Variants in RASAL2 observed in about 807,000 individuals in gnomAD.
The protein encoded by RASAL2 is ras GTPase-activating protein nGAP.
RASAL2 carries 58 observed loss-of-function variants against 128.9 expected under a neutral mutation model. The ratio of observed to expected loss-of-function variants is 0.45; its 90% CI spans 0.36 to 0.56. RASAL2 has a LOEUF of 0.56. Ranked by LOEUF, RASAL2 falls within the 20% of genes least tolerant of loss-of-function variation. The probability of loss-of-function intolerance (pLI) is 0.00; values close to 1 mark genes in which losing one functional copy is unlikely to be tolerated. For missense variants in RASAL2, 1,360 were observed against 1,601.6 expected (o/e 0.85, Z 2.57); for synonymous variants, 561 against 580.8 (o/e 0.97, Z 0.49).
chr1:178,279,292 T>C lies in RASAL2; in HGVS notation c.203-4272T>C, dbSNP rs1383703792. Reference sequence around the variant, plus strand: ...TTTTATTCTCTCATCTCTTTTGTGTTATTCATCCACCACAAACAACTAGAA... The same window carrying C: ...TTTTATTCTCTCATCTCTTTTGTGTCATTCATCCACCACAAACAACTAGAA... On this transcript the variant is annotated intron_variant, in intron 1 of 17. Transcript: ENST00000367649. Among the ~76,000 whole-genome samples, 3 of 152,202 alleles carry C rather than the reference T, an allele frequency of 2.0e-5. No homozygotes were observed. The East Asian group carries it at 5.8e-4, about 29-fold the overall frequency.
intron 1 of RASAL2, among the ~76,000 whole-genome samples, chr1:178,177,652 G>A (rs1661939696): frequency 6.6e-6 from 1 of 152,132 alleles, no homozygotes; most frequent in Non-Finnish European, 1.5e-5. Context: ...CCATTTTGAG[G>A]GAATAGCATG....
In RASAL2 at chr1:178,395,043, TAAAC is replaced by T. The variant is rs558623874; in HGVS notation, c.564+4841_564+4844del. ...ATCCTATGTAAGTGTTTTTCCAAGT[TAAAC>T]AAAGAGATAGAAAGCTTCACGTCCA... On this transcript the variant is annotated intron_variant, in intron 4 of 17. Transcript: ENST00000367649. Among the ~76,000 whole-genome samples the T allele has an allele frequency of 8.7e-4, 132 of 152,282 alleles. 1 individual carries two copies. The highest frequency in any genetic ancestry group is 2.3e-3 in the Admixed American group (35 of 15,298).
chr1:178,435,305 G>T (rs1164803459), intron 5 of RASAL2, among the ~76,000 whole-genome samples: 2 of 152,152 alleles, frequency 1.3e-5, no homozygotes, highest in Non-Finnish European at 2.9e-5. Flanking sequence ...GTGGCATTCT[G>T]AAAAATTGGC....
intron 1 of RASAL2, among the ~76,000 whole-genome samples, chr1:178,102,470 C>T (rs1269555575): frequency 1.3e-5 from 2 of 152,274 alleles, no homozygotes; most frequent in East Asian, 3.9e-4. Context: ...GATCCTTCCA[C>T]CTCAGCCTCC....
chr1:178,302,442 A>G (rs1208442090), intron 3 of RASAL2, among the ~76,000 whole-genome samples: 1 of 152,238 alleles, frequency 6.6e-6, no homozygotes, highest in Non-Finnish European at 1.5e-5. Flanking sequence ...AAAAGATCTA[A>G]TAACAGATGT....
intron 1 of RASAL2, among the ~76,000 whole-genome samples, chr1:178,211,656 A>T (rs1371580204): frequency 1.3e-5 from 2 of 151,472 alleles, no homozygotes; most frequent in Non-Finnish European, 2.9e-5. Flanking sequence ...ATACCCTCAA[A>T]CTCTATCCCC....
chr1:178,392,739 C>T (rs553089868), intron 4 of RASAL2, among the ~76,000 whole-genome samples: 1 of 152,180 alleles, frequency 6.6e-6, no homozygotes, highest in Admixed American at 6.5e-5. Flanking sequence ...TCAGCTGATA[C>T]TACTGATTTT....
At chr1:178,102,674 CATT>C (rs1193224104) in intron 1 of RASAL2, among the ~76,000 whole-genome samples, 2 of 151,840 alleles carry the variant, frequency 1.3e-5, no homozygotes, top group East Asian at 3.9e-4. Flanking sequence ...TTATTGAAAA[CATT>C]AACACATTTT....
Position 178,473,190 on chromosome 1 carries a change from C to T in RASAL2, c.3794C>T (p.Thr1265Ile), listed in dbSNP as rs1332230438. 1.2e-6 allele frequency: 2 copies of T among 1,614,204 alleles called. No individual in the cohort carries two copies. The highest frequency in any genetic ancestry group is 1.7e-6 in the Non-Finnish European group (2 of 1,180,034). ...VRNGISPTNP[T>I]KLSITENGEF... ...AATGGCATCTCCCCCACCAACCCCA[C>T]CAAGCTTTCCATCACGGAGAATGGT... The change falls in exon 18 of 18, where the codon ACC (threonine) becomes ATC (isoleucine). Residue 1265 changes from threonine (T) to isoleucine (I), a missense_variant. By Grantham distance (89) the Thr-to-Ile change is moderately conservative (BLOSUM62 -1). Around this residue, in one of 3 missense-constraint regions of RASAL2, gnomAD observed 741 missense variants for 868.6 expected, o/e 0.85. Coordinates refer to ENST00000367649, the MANE Select transcript of RASAL2 (RefSeq NM_170692.4).
intron 1 of RASAL2, among the ~76,000 whole-genome samples, chr1:178,162,404 T>TAAAA (rs1558088804): frequency 5.9e-5 from 7 of 118,076 alleles, no homozygotes; most frequent in African/African-American, 2.4e-4. Flanking sequence ...ATTATATATT[T>TAAAA]TATATATTAT....
intron 1 of RASAL2, among the ~76,000 whole-genome samples, chr1:178,259,726 T>A (rs567799218): frequency 6.6e-6 from 1 of 152,252 alleles, no homozygotes; most frequent in African/African-American, 2.4e-5. Flanking sequence ...CATGCCCAGC[T>A]AATATTTTAA....
intron 1 of RASAL2, among the ~76,000 whole-genome samples, chr1:178,169,864 A>T (rs1432928727): frequency 6.6e-6 from 1 of 152,020 alleles, no homozygotes; most frequent in East Asian, 1.9e-4. Flanking sequence ...GGGTGTTTAC[A>T]CTTGCCAGAG....
intron 3 of RASAL2, among the ~76,000 whole-genome samples, chr1:178,318,713 A>C (rs1453940641): frequency 6.6e-6 from 1 of 152,054 alleles, no homozygotes; most frequent in African/African-American, 2.4e-5. Flanking sequence ...GGTTTCCTGA[A>C]TACAGCACAC....
intron 3 of RASAL2, among the ~76,000 whole-genome samples, chr1:178,352,697 C>T (rs766686805): frequency 6.6e-6 from 1 of 152,236 alleles, no homozygotes; most frequent in Non-Finnish European, 1.5e-5. Flanking sequence ...TAGAGGTTCT[C>T]CATGAGGGCT....
At chr1:178,343,278 TATCGGAAACCAA>T (rs1669977510) in intron 3 of RASAL2, among the ~76,000 whole-genome samples, 1 of 152,196 alleles carries the variant, frequency 6.6e-6, no homozygotes, top group Non-Finnish European at 1.5e-5. Flanking sequence ...CTCTCGGCTA[TATCGGAAACCAA>T]ATTACCAAGT....
At chr1:178,341,497 C>T in intron 3 of RASAL2, 1 of 1,581,752 alleles carries the variant, frequency 6.3e-7, no homozygotes, top group Non-Finnish European at 8.6e-7. Flanking sequence ...AGGGAGAGAG[C>T]AGGAAAGCGA....
At chr1:178,207,528 T>C (rs1663096362) in intron 1 of RASAL2, among the ~76,000 whole-genome samples, 1 of 152,206 alleles carries the variant, frequency 6.6e-6, no homozygotes, top group Non-Finnish European at 1.5e-5. Flanking sequence ...CATCCTCATA[T>C]TTTGGTATTG....
chr1:178,343,775 G>T (rs532219976), intron 3 of RASAL2, among the ~76,000 whole-genome samples: 1 of 151,906 alleles, frequency 6.6e-6, no homozygotes, highest in Non-Finnish European at 1.5e-5. Context: ...AGATTATGCA[G>T]GTTCATACCT....
chr1:178,393,177 G>A (rs143262631), intron 4 of RASAL2, among the ~76,000 whole-genome samples: 32 of 152,288 alleles, frequency 2.1e-4, no homozygotes, highest in Admixed American at 5.9e-4. Flanking sequence ...CCAGGGTTGG[G>A]TTGTGGGGGA....
Sources: allele counts gnomAD v4.1 joint callset (sites outside exome capture counted in the v4.1 genomes callset), GRCh38; gene constraint gnomAD v4.1.1; regional missense constraint gnomAD v4.1.1; transcripts MANE v1.5; gene names NCBI Gene and HGNC (gene_info 2026-07-23, HGNC 2026-07-21).